KIRREL3: variants seen among roughly 807,000 people sequenced by gnomAD.
KIRREL3 encodes kin of IRRE-like protein 3.
A neutral mutation model predicts 89.7 loss-of-function variants in KIRREL3; 36 were observed. That is an observed-to-expected ratio of 0.40 (90% CI 0.31 to 0.53). The LOEUF (loss-of-function observed/expected upper bound fraction) is 0.53. Among genes scored for constraint, KIRREL3 ranks in the 20% least tolerant of loss-of-function variants. The pLI, the probability that KIRREL3 is intolerant of heterozygous loss-of-function variation, is 0.49. For missense variants in KIRREL3, 864 were observed against 1,056.6 expected, an observed-to-expected ratio of 0.82 and a Z score of 2.53; for synonymous variants, 445 against 441.4, an observed-to-expected ratio of 1.01 and a Z score of -0.10.
chr11:126,522,302 G>GA lies in KIRREL3; in HGVS notation c.284-839dup, dbSNP rs563228125. ...GAAGACAGTCAGAGAGAGAAGGAAG[G>GA]AAAAAGAGAAATGTTTGGAAAAGGA... On this transcript the variant is annotated intron_variant, in intron 3 of 16. Coordinates refer to ENST00000525144, the MANE Select transcript of KIRREL3 (RefSeq NM_032531.4). The surrounding 1 kb of genome is among the most constrained non-coding windows in gnomAD (Gnocchi z 6.0). Among the ~76,000 whole-genome samples, 812 of 152,122 alleles carry GA rather than the reference G, an allele frequency of 5.3e-3. 30 individuals are homozygous for GA. The highest frequency in any genetic ancestry group is 0.051 in the Admixed American group (776 of 15,290).
intron 1 of KIRREL3, among the ~76,000 whole-genome samples, chr11:126,644,188 T>G (rs1236824800): frequency 6.6e-6 from 1 of 152,160 alleles, no homozygotes; most frequent in African/African-American, 2.4e-5. Context: ...ATCCAGTGTA[T>G]AGTGGGCTAT....
At chr11:126,549,818 G>A (rs571527474) in intron 2 of KIRREL3, 1 of 152,172 alleles carries the variant, frequency 6.6e-6, no homozygotes, top group East Asian at 1.9e-4. Context: ...GGGTGGAAGC[G>A]GTGTGGCGTT....
At chr11:126,819,294 C>T (rs1412944896) in intron 1 of KIRREL3, among the ~76,000 whole-genome samples, 2 of 152,166 alleles carry the variant, frequency 1.3e-5, no homozygotes, top group East Asian at 1.9e-4. Context: ...TAAGGCTTTC[C>T]CAGCAGAGGT....
intron 1 of KIRREL3, among the ~76,000 whole-genome samples, chr11:126,658,385 A>G (rs913485930): frequency 6.6e-6 from 1 of 152,238 alleles, no homozygotes; most frequent in East Asian, 1.9e-4. Context: ...GTGACTAAAA[A>G]CTTTCTGGCC....
rs1040808338 is a variant in KIRREL3 at position 126,651,312 on chromosome 11, A to G, written c.56-88400T>C. Among the ~76,000 whole-genome samples the G allele has an allele frequency of 6.6e-6, 1 of 152,204 alleles. No homozygotes were observed. Among genetic ancestry groups the G allele is most frequent in the African/African-American group, 2.4e-5 (1 of 41,462 alleles). On this transcript the variant is annotated intron_variant, in intron 1 of 16. Transcript: ENST00000525144. This position sits in a 1 kb window ranked among gnomAD's most constrained non-coding sequence, Gnocchi z 4.6. ...AGTCTTGATAATTATTCCAACTGGG[A>G]ATCCCTCTCCATCTTCCCCAAATCT...
rs1011843510 is a variant in KIRREL3 at position 126,769,455 on chromosome 11, G to C, written c.56-206543C>G. Among the ~76,000 whole-genome samples the C allele has an allele frequency of 3.3e-5, 5 of 152,064 alleles. No individual in the cohort carries two copies. The highest frequency in any genetic ancestry group is 1.2e-4 in the African/African-American group (5 of 41,388). ...GATAGATATTGCCATCAAGAAGAGG[G>C]GCCCACTCCCCGTGAAAACCGTGCA... On this transcript the variant is annotated intron_variant, in intron 1 of 16. Coordinates refer to ENST00000525144, the MANE Select transcript of KIRREL3 (RefSeq NM_032531.4). The surrounding 1 kb of genome is among the most constrained non-coding windows in gnomAD (Gnocchi z 4.3).
In KIRREL3 at chr11:126,709,448, T is replaced by G. The variant is rs965595171; in HGVS notation, c.56-146536A>C. Among the ~76,000 whole-genome samples, 2 of 152,052 alleles carry G rather than the reference T, an allele frequency of 1.3e-5. No homozygotes were observed. The highest frequency in any genetic ancestry group is 2.9e-5 in the Non-Finnish European group (2 of 68,000). The stretch of plus-strand genomic sequence containing the variant: ...GTACAGGCAAACACCTGCTAATGAG[T>G]GGTGGTGGCAGTGGTAGGGAGTAGG... On this transcript the variant is annotated intron_variant, in intron 1 of 16. Coordinates refer to ENST00000525144, the MANE Select transcript of KIRREL3 (RefSeq NM_032531.4). This position sits in a 1 kb window ranked among gnomAD's most constrained non-coding sequence, Gnocchi z 4.0.
intron 1 of KIRREL3, among the ~76,000 whole-genome samples, chr11:126,794,350 T>TG (rs1203749098): frequency 6.6e-6 from 1 of 152,214 alleles, no homozygotes; most frequent in African/African-American, 2.4e-5. Flanking sequence ...GCTTGTTCAG[T>TG]GGGGTAGACT....
chr11:126,585,106 G>A (rs1188187111), intron 1 of KIRREL3, among the ~76,000 whole-genome samples: 2 of 151,184 alleles, frequency 1.3e-5, no homozygotes, highest in African/African-American at 2.4e-5. Context: ...TTTTTAGTAG[G>A]GACGGGGTTT....
rs1159266467 is a variant in KIRREL3, at chr11:126,894,677, G to A, written c.55+105778C>T. On this transcript the variant is annotated intron_variant, in intron 1 of 16. Coordinates refer to ENST00000525144, the MANE Select transcript of KIRREL3 (RefSeq NM_032531.4). ...TGAGGTGAAATCCCTGGAGCCCAAG[G>A]GGTCAAGGCTTCAGTGAGCCATGAT... Among the ~76,000 whole-genome samples, 4 of 151,792 alleles carry A rather than the reference G, an allele frequency of 2.6e-5. No homozygotes were observed. The South Asian group carries it at 8.3e-4, about 32-fold the overall frequency.
At chr11:126,792,201 T>C (rs1390054841) in intron 1 of KIRREL3, among the ~76,000 whole-genome samples, 1 of 152,144 alleles carries the variant, frequency 6.6e-6, no homozygotes, top group Non-Finnish European at 1.5e-5. Flanking sequence ...CCACTGTGAG[T>C]CATTTAACCT....
intron 1 of KIRREL3, among the ~76,000 whole-genome samples, chr11:126,633,226 T>C (rs1197472577): frequency 6.6e-6 from 1 of 151,674 alleles, no homozygotes; most frequent in Non-Finnish European, 1.5e-5. Flanking sequence ...GGGCCTGTTG[T>C]GGGGTGGGGG....
At chr11:126,584,445 G>A (rs913791753) in intron 1 of KIRREL3, among the ~76,000 whole-genome samples, 3 of 152,140 alleles carry the variant, frequency 2.0e-5, no homozygotes, top group African/African-American at 4.8e-5. Context: ...TCTAGGATGG[G>A]CCCCTTTCTT....
chr11:126,749,386 G>C (rs548146300), intron 1 of KIRREL3, among the ~76,000 whole-genome samples: 1 of 151,992 alleles, frequency 6.6e-6, no homozygotes. Flanking sequence ...AAATTGCTCC[G>C]ACTTGCGTGG....
intron 1 of KIRREL3, among the ~76,000 whole-genome samples, chr11:126,749,647 A>T (rs1949271391): frequency 6.6e-6 from 1 of 151,808 alleles, no homozygotes; most frequent in Non-Finnish European, 1.5e-5. Flanking sequence ...TCCCTCTTAA[A>T]AAAAAAAAGT....
chr11:126,559,106 C>T (rs1939921347), intron 2 of KIRREL3, among the ~76,000 whole-genome samples: 3 of 151,524 alleles, frequency 2.0e-5, no homozygotes, highest in Admixed American at 6.6e-5. Context: ...CCCAGCCCTG[C>T]TTCCACGACT....
rs1453022319 is a variant in KIRREL3 at position 126,474,878 on chromosome 11, C to G, written c.434-1412G>C. ...AAGTACCTTGCCTAGGACACAGGGC[C>G]TTTCCCATGCTTGTGCTTGGGGACA... On this transcript the variant is annotated intron_variant, in intron 4 of 16. Transcript: ENST00000525144. The surrounding 1 kb of genome is among the most constrained non-coding windows in gnomAD (Gnocchi z 6.7). Among the ~76,000 whole-genome samples the G allele has an allele frequency of 1.3e-5, 2 of 152,204 alleles. No homozygotes were observed. Among genetic ancestry groups the G allele is most frequent in the Non-Finnish European group, 2.9e-5 (2 of 68,042 alleles).
At chr11:126,437,262 G>A (rs892471987) in intron 11 of KIRREL3, among the ~76,000 whole-genome samples, 5 of 152,008 alleles carry the variant, frequency 3.3e-5, no homozygotes, top group African/African-American at 7.3e-5. Context: ...GCAGGTACAC[G>A]TGTGCACACA....
Position 126,994,069 on chromosome 11 carries a change from C to A in KIRREL3, c.55+6386G>T, listed in dbSNP as rs1444943860. Among the ~76,000 whole-genome samples, 3 of 152,082 alleles carry A rather than the reference C, an allele frequency of 2.0e-5. No homozygotes were observed. Among genetic ancestry groups the A allele is most frequent in the Middle Eastern group, 3.2e-3 (1 of 316 alleles). ...TCAATTATCAAAAAAAAAAAATCAG[C>A]CTCAGATAAATCTACTTTGCTTTGC... is the stretch of plus-strand genomic sequence containing the variant. On this transcript the variant is annotated intron_variant, in intron 1 of 16. Transcript: ENST00000525144. This position sits in a 1 kb window ranked among gnomAD's most constrained non-coding sequence, Gnocchi z 5.2.
Sources: allele counts gnomAD v4.1 joint callset (sites outside exome capture counted in the v4.1 genomes callset), GRCh38; gene constraint gnomAD v4.1.1; non-coding constraint Gnocchi (gnomAD v3.1); transcripts MANE v1.5; gene names NCBI Gene and HGNC (gene_info 2026-07-23, HGNC 2026-07-21).